Variants in PHLDB2 observed in about 807,000 individuals in gnomAD.
The protein encoded by PHLDB2 is pleckstrin homology-like domain family B member 2.
In PHLDB2, 71 loss-of-function variants were observed where a neutral mutation model predicts 123.6. The ratio of observed to expected loss-of-function variants is 0.57; its 90% CI spans 0.47 to 0.70. The LOEUF (loss-of-function observed/expected upper bound fraction) is 0.70. Ranked by LOEUF, PHLDB2 falls within the 30% of genes least tolerant of loss-of-function variation. The pLI, the probability that PHLDB2 is intolerant of heterozygous loss-of-function variation, is 0.00. For synonymous variants in PHLDB2, 547 were observed against 541.6 expected, an observed-to-expected ratio of 1.01 and a Z score of -0.14; for missense variants, 1,446 against 1,519.5, an observed-to-expected ratio of 0.95 and a Z score of 0.80.
intron 2 of PHLDB2, among the ~76,000 whole-genome samples, chr3:111,887,988 T>G (rs1160113693): frequency 1.3e-5 from 2 of 152,122 alleles, no homozygotes; most frequent in Non-Finnish European, 2.9e-5. Context: ...ATGTAAGAGT[T>G]AAGTGGCTAT....
chr3:111,798,832 T>C lies in PHLDB2; in HGVS notation c.-48-46989T>C, dbSNP rs1159828337. ...GCAAAGGAGTGTTGTTTAGACCTCA[T>C]ATGAGGGCCAGGAAGGTGAGCTAAC... is the stretch of plus-strand genomic sequence containing the variant. On this transcript the variant is annotated intron_variant, in intron 1 of 17. Coordinates refer to the PHLDB2 transcript ENST00000393923. 4.6e-5 allele frequency among the ~76,000 whole-genome samples: 7 copies of C among 152,148 alleles called. 1 individual carries two copies. Among genetic ancestry groups the C allele is most frequent in the Admixed American group, 4.6e-4 (7 of 15,278 alleles).
intron 1 of PHLDB2, among the ~76,000 whole-genome samples, chr3:111,817,055 A>G (rs552061293): frequency 6.6e-6 from 1 of 152,304 alleles, no homozygotes; most frequent in South Asian, 2.1e-4. Context: ...ACCTTCCACC[A>G]TGATTGTGAG....
upstream of PHLDB2, among the ~76,000 whole-genome samples, chr3:111,854,898 G>A (rs1339087713): frequency 2.6e-5 from 4 of 152,194 alleles, no homozygotes; most frequent in African/African-American, 7.2e-5. Flanking sequence ...GGAAAAGAAT[G>A]TGTAGGAGAA....
chr3:111,958,492 A>G (rs895352353), intron 12 of PHLDB2, among the ~76,000 whole-genome samples: 1 of 152,234 alleles, frequency 6.6e-6, no homozygotes, highest in Non-Finnish European at 1.5e-5. Context: ...TTTCAGGTCC[A>G]ATTAGCCAGA....
intron 1 of PHLDB2, among the ~76,000 whole-genome samples, chr3:111,879,726 A>G (rs987475603): frequency 2.0e-5 from 3 of 152,156 alleles, no homozygotes; most frequent in Middle Eastern, 3.2e-3. Context: ...GCCATTTGCT[A>G]TAGTTCAGTG....
At chr3:111,783,537 A>G (rs1040859674) in intron 1 of PHLDB2, among the ~76,000 whole-genome samples, 1 of 152,182 alleles carries the variant, frequency 6.6e-6, no homozygotes, top group African/African-American at 2.4e-5. Flanking sequence ...TCACCTTTAA[A>G]TGTGTTCAAA....
At chr3:111,940,758 G>C in intron 8 of PHLDB2, 113 bp downstream of exon 8, 1 of 472,688 alleles carries the variant, frequency 2.1e-6, no homozygotes, top group Non-Finnish European at 3.7e-6. Context: ...ACAATTTAAG[G>C]AAGATTTTTA....
rs1265348508 is a variant in PHLDB2 at position 111,974,698 on chromosome 3, C to G, written c.*135C>G. 1.2e-6 allele frequency: 1 copy of G among 867,288 alleles called. No homozygotes were observed. Among genetic ancestry groups the G allele is most frequent in the Non-Finnish European group, 1.6e-6 (1 of 624,972 alleles). The allele number at this position is 867,288 out of a possible 1,614,324, so 53.7% of individuals were successfully genotyped here. On this transcript the variant is annotated 3_prime_UTR_variant, in exon 18 of 18. Transcript: ENST00000431670. ...TAAACACTCAGAACTCCTTTCATATCAAGACAAGTTATTTGTAAAAAATAA... is the reference window on the plus strand; with the variant it reads ...TAAACACTCAGAACTCCTTTCATATGAAGACAAGTTATTTGTAAAAAATAA...
At chr3:111,901,813 A>G (rs2067221426) in intron 2 of PHLDB2, among the ~76,000 whole-genome samples, 1 of 152,228 alleles carries the variant, frequency 6.6e-6, no homozygotes, top group Non-Finnish European at 1.5e-5. Context: ...TCCTTCTGGA[A>G]CACTGTCTAT....
intron 1 of PHLDB2, among the ~76,000 whole-genome samples, chr3:111,838,587 A>G (rs1235597615): frequency 2.0e-5 from 3 of 152,226 alleles, no homozygotes; most frequent in Non-Finnish European, 2.9e-5. Flanking sequence ...AAATATAACT[A>G]GGAAAAAATA....
Position 111,885,247 on chromosome 3 carries a change from T to C in PHLDB2, c.1170T>C (p.Phe390=), listed in dbSNP as rs753547789. ...ACTTCTCTTGTGGATCTGTGGAATT[T>C]GATGAGGCAGATTTGGAAAGCCTCA... ...RRNFSCGSVE[F]DEADLESLRQ... is the part of the protein sequence containing the mutation. The change falls in exon 2 of 18, where the codon TTT becomes TTC. Residue 390 remains phenylalanine (F), a synonymous_variant. Transcript: ENST00000431670. The C allele has an allele frequency of 6.2e-7, 1 of 1,614,048 alleles. No individual in the cohort carries two copies.
intron 1 of PHLDB2, among the ~76,000 whole-genome samples, chr3:111,811,661 C>G (rs189565952): frequency 6.6e-6 from 1 of 152,180 alleles, no homozygotes; most frequent in East Asian, 1.9e-4. Context: ...CACATACACA[C>G]ACACGAAAAA....
intron 1 of PHLDB2, among the ~76,000 whole-genome samples, chr3:111,807,595 A>AT (rs1249004217): frequency 1.3e-5 from 2 of 152,004 alleles, no homozygotes; most frequent in Admixed American, 6.6e-5. Context: ...CAGGCGCGTG[A>AT]TTTTTTTAAT....
chr3:111,851,194 T>TA (rs11309576), intron 2 of PHLDB2, among the ~76,000 whole-genome samples: 15,262 of 103,482 alleles, frequency 0.15, 1,053 homozygotes, highest in African/African-American at 0.17. Context: ...GATTCTGTCT[T>TA]AAAAAAAAAA....
chr3:111,842,097 GT>G lies in PHLDB2; in HGVS notation c.-48-3722del, dbSNP rs561959339. Among the ~76,000 whole-genome samples the G allele has an allele frequency of 6.6e-5, 10 of 152,252 alleles. No homozygotes were observed. In the East Asian group the frequency reaches 1.9e-3, roughly 29 times the overall value. Reference sequence around the variant, plus strand: ...AATTTAGGGAAAAGTACCTTATAGGGTTATAGTGAAGTTATAAAGGAGATAA... The same window carrying G: ...AATTTAGGGAAAAGTACCTTATAGGGTATAGTGAAGTTATAAAGGAGATAA... On this transcript the variant is annotated intron_variant, in intron 1 of 17. Transcript: ENST00000393923.
chr3:111,751,777 A>G (rs2059780840), intron 1 of PHLDB2, among the ~76,000 whole-genome samples: 1 of 152,104 alleles, frequency 6.6e-6, no homozygotes, highest in South Asian at 2.1e-4. Context: ...AACATGGTAC[A>G]TGTATACATA....
intron 2 of PHLDB2, among the ~76,000 whole-genome samples, chr3:111,909,522 A>C (rs1175060412): frequency 6.6e-6 from 1 of 152,182 alleles, no homozygotes; most frequent in Non-Finnish European, 1.5e-5. Context: ...CCTTGAGCCC[A>C]GGAGATCGAG....
At chr3:111,779,447 T>G (rs2060328738) in intron 1 of PHLDB2, among the ~76,000 whole-genome samples, 1 of 152,020 alleles carries the variant, frequency 6.6e-6, no homozygotes, top group South Asian at 2.1e-4. Flanking sequence ...CCCATCTTTA[T>G]GTCCATGTGT....
At chr3:111,892,755 G>A (rs1415592304) in intron 2 of PHLDB2, among the ~76,000 whole-genome samples, 3 of 152,154 alleles carry the variant, frequency 2.0e-5, no homozygotes, top group East Asian at 1.9e-4. Context: ...AAAAACCAAA[G>A]CTACAGGTCT....
Sources: allele counts gnomAD v4.1 joint callset (sites outside exome capture counted in the v4.1 genomes callset), GRCh38; gene constraint gnomAD v4.1.1; transcripts MANE v1.5; gene names NCBI Gene and HGNC (gene_info 2026-07-23, HGNC 2026-07-21).